The following PRKCZ variants were observed in gnomAD, a reference collection of about 807,000 sequenced individuals.
The protein encoded by PRKCZ is protein kinase C zeta.
PRKCZ carries 33 observed loss-of-function variants against 79.5 expected under a neutral mutation model. The ratio of observed to expected loss-of-function variants is 0.41; its 90% confidence interval spans 0.31 to 0.55. The LOEUF is 0.55. PRKCZ is among the 20% of genes least tolerant of loss of function. PRKCZ has a pLI of 0.19. For synonymous variants in PRKCZ, 342 were observed against 320.9 expected (o/e 1.07, Z -0.70); for missense variants, 578 against 813.5 (o/e 0.71, Z 3.52).
rs142125750 is a variant in PRKCZ, at chr1:2,078,164, C to T, written c.334+18573C>T. Among the ~76,000 whole-genome samples, 6 of 152,366 alleles carry T rather than the reference C, an allele frequency of 3.9e-5. No individual in the cohort carries two copies. In the East Asian group the frequency reaches 1.2e-3, roughly 29 times the overall value. On this transcript the variant is annotated intron_variant, in intron 4 of 17. Coordinates refer to ENST00000378567, the MANE Select transcript of PRKCZ (RefSeq NM_002744.6). ...CTGTGCCCCGAGCTGGGAACAGTCCCCTCCTCTCTCCTCTGCCTACAGTCT... is the reference window on the plus strand; with the variant it reads ...CTGTGCCCCGAGCTGGGAACAGTCCTCTCCTCTCTCCTCTGCCTACAGTCT...
chr1:2,086,234 G>A (rs1247542399), intron 4 of PRKCZ, among the ~76,000 whole-genome samples: 2 of 151,668 alleles, frequency 1.3e-5, no homozygotes, highest in African/African-American at 2.4e-5. Flanking sequence ...GCTAATTTTT[G>A]TGTTTTGATA....
intron 7 of PRKCZ, 28 bp from the exon 8 acceptor site, chr1:2,148,844 G>A (rs754329181): frequency 7.6e-5 from 122 of 1,611,838 alleles, no homozygotes; most frequent in East Asian, 6.7e-4. Context: ...ACACCGTAAC[G>A]CCCCTTCCTT....
intron 4 of PRKCZ, among the ~76,000 whole-genome samples, chr1:2,063,789 C>T (rs1298806215): frequency 6.6e-6 from 1 of 151,418 alleles, no homozygotes; most frequent in East Asian, 1.9e-4. Context: ...TTTTGGTTCT[C>T]ATTTCCCTGG....
chr1:2,050,863 T>C (rs904362268), intron 1 of PRKCZ, 162 bp downstream of exon 1: 20 of 424,438 alleles, frequency 4.7e-5, no homozygotes, highest in African/African-American at 3.1e-4. Flanking sequence ...CCCGTGAGCG[T>C]CACCCGCGGA....
intron 3 of PRKCZ, among the ~76,000 whole-genome samples, chr1:2,058,724 C>T (rs1466073970): frequency 1.3e-5 from 2 of 151,440 alleles, no homozygotes; most frequent in Admixed American, 6.6e-5. Flanking sequence ...GGTGAAACCC[C>T]ATCTCTACTA....
intron 5 of PRKCZ, among the ~76,000 whole-genome samples, chr1:2,136,187 C>T (rs1474588661): frequency 6.6e-6 from 1 of 152,206 alleles, no homozygotes; most frequent in Non-Finnish European, 1.5e-5. Context: ...ACCTGCCCCT[C>T]CTTCTACTCC....
At chr1:2,121,636 TGGTAGTTAGGGTCAC>T (rs1557612559) in intron 4 of PRKCZ, among the ~76,000 whole-genome samples, 210 of 17,720 alleles carry the variant, frequency 0.012, 52 homozygotes, top group African/African-American at 0.032. Flanking sequence ...AGGGTCACAG[TGGTAGTTAGGGTCAC>T]GGTGGTGGTT....
intron 4 of PRKCZ, among the ~76,000 whole-genome samples, chr1:2,118,558 C>T (rs1199943379): frequency 4.7e-5 from 7 of 149,752 alleles, no homozygotes; most frequent in African/African-American, 1.2e-4. Context: ...AGGATGGTCT[C>T]GATCTCCTGA....
Position 2,121,649 on chromosome 1 carries a change from CACGGTGGTGGT to C in PRKCZ, c.335-13612_335-13602del, listed in dbSNP as rs1479934111. Reference sequence around the variant, plus strand: ...TTAGGGTCACAGTGGTAGTTAGGGTCACGGTGGTGGTTAGGGTCGTGGTGGTGGTTAGGGTC... The same window carrying C: ...TTAGGGTCACAGTGGTAGTTAGGGTCTAGGGTCGTGGTGGTGGTTAGGGTC... On this transcript the variant is annotated intron_variant, in intron 4 of 17. Coordinates refer to ENST00000378567, the MANE Select transcript of PRKCZ (RefSeq NM_002744.6). Among the ~76,000 whole-genome samples the C allele has an allele frequency of 1.9e-4, 23 of 120,056 alleles. 5 individuals are homozygous for C. Among genetic ancestry groups the C allele is most frequent in the African/African-American group, 8.2e-4 (20 of 24,392 alleles). 78.8% of individuals were successfully genotyped at this position (120,056 alleles called of 152,430 possible).
rs983743745 is a variant in PRKCZ at position 2,177,570 on chromosome 1, C to G, written c.1575+2257C>G. Among the ~76,000 whole-genome samples, 2 of 152,208 alleles carry G rather than the reference C, an allele frequency of 1.3e-5. No homozygotes were observed. The highest frequency in any genetic ancestry group is 4.8e-5 in the African/African-American group (2 of 41,438). On this transcript the variant is annotated intron_variant, in intron 16 of 17. Coordinates refer to ENST00000378567, the MANE Select transcript of PRKCZ (RefSeq NM_002744.6). The surrounding 1 kb of genome is among the most constrained non-coding windows in gnomAD (Gnocchi z 6.4). ...CCTTCTCTTCGGAGCACTGTCTAATCTGAGTGTGAGTCCAACCCTGCCCGA... is the reference window on the plus strand; with the variant it reads ...CCTTCTCTTCGGAGCACTGTCTAATGTGAGTGTGAGTCCAACCCTGCCCGA...
intron 1 of PRKCZ, among the ~76,000 whole-genome samples, chr1:2,052,269 C>A (rs373534260): frequency 6.6e-6 from 1 of 152,146 alleles, no homozygotes; most frequent in African/African-American, 2.4e-5. Flanking sequence ...TGGGCCGCCC[C>A]GTCCTCCCTC....
At chr1:2,151,008 G>T (rs757286303) in intron 9 of PRKCZ, 30 bp downstream of exon 9, 2 of 1,609,666 alleles carry the variant, frequency 1.2e-6, no homozygotes, top group Non-Finnish European at 1.7e-6. Context: ...GGGCCCGGGG[G>T]CCCGGGAACG....
At chr1:2,065,588 A>G (rs951670267) in intron 4 of PRKCZ, among the ~76,000 whole-genome samples, 1 of 150,850 alleles carries the variant, frequency 6.6e-6, no homozygotes, top group Non-Finnish European at 1.5e-5. Flanking sequence ...CTGAGCCAGG[A>G]GAATAGCCTG....
intron 4 of PRKCZ, among the ~76,000 whole-genome samples, chr1:2,099,817 T>C (rs1304571239): frequency 6.6e-6 from 1 of 152,210 alleles, no homozygotes; most frequent in African/African-American, 2.4e-5. Context: ...AAACAGGTCA[T>C]TAGTCCGTGT....
intron 4 of PRKCZ, among the ~76,000 whole-genome samples, chr1:2,070,787 G>A (rs1437990620): frequency 1.2e-4 from 18 of 151,104 alleles, no homozygotes; most frequent in Admixed American, 4.6e-4. Context: ...TGGGGCTGGC[G>A]GGGGACAGTC....
chr1:2,057,018 G>A (rs1044850438), intron 3 of PRKCZ, among the ~76,000 whole-genome samples: 11 of 152,088 alleles, frequency 7.2e-5, no homozygotes, highest in East Asian at 1.9e-4. Flanking sequence ...GTGAGCCACC[G>A]CGCCCGGCCT....
At chr1:2,090,665 C>G (rs528115444) in intron 4 of PRKCZ, among the ~76,000 whole-genome samples, 67 of 152,208 alleles carry the variant, frequency 4.4e-4, no homozygotes, top group Non-Finnish European at 7.8e-4. Flanking sequence ...CCGCGTGCCC[C>G]TCCTGCGCTG....
intron 4 of PRKCZ, among the ~76,000 whole-genome samples, chr1:2,072,893 A>ACGAGTGC (rs1482645404): frequency 6.6e-6 from 1 of 152,016 alleles, no homozygotes; most frequent in African/African-American, 2.4e-5. Flanking sequence ...TAGGCTCAGC[A>ACGAGTGC]CGAGTGCCGA....
chr1:2,164,281 G>A (rs1227459512), intron 10 of PRKCZ, among the ~76,000 whole-genome samples: 3 of 152,206 alleles, frequency 2.0e-5, no homozygotes, highest in Non-Finnish European at 4.4e-5. Flanking sequence ...GGGAGGCCAG[G>A]GAGCGTAAAG....
Sources: gnomAD v4.1 joint callset for allele counts (sites outside exome capture counted in the v4.1 genomes callset) on GRCh38, gnomAD v4.1.1 for gene constraint, Gnocchi (gnomAD v3.1) non-coding constraint, MANE v1.5 for transcripts, NCBI Gene and HGNC (gene_info 2026-07-23, HGNC 2026-07-21) for gene names.